The following ZBTB25 variants were observed in gnomAD, a reference collection of about 807,000 sequenced individuals.
ZBTB25 encodes zinc finger and BTB domain containing 25, also known as zinc finger and BTB domain-containing protein 25.
ZBTB25 carries 20 observed loss-of-function variants against 34.2 expected under a neutral mutation model. The observed-to-expected ratio is 0.58, with a 90% CI of 0.41 to 0.85. The LOEUF (loss-of-function observed/expected upper bound fraction) is 0.85, where lower values mean the gene tolerates loss of function less well. Ranked by LOEUF, ZBTB25 falls within the 40% of genes least tolerant of loss-of-function variation. ZBTB25 has a pLI of 0.00. For synonymous variants in ZBTB25, 175 were observed against 186.4 expected, an observed-to-expected ratio of 0.94 and a Z score of 0.50; for missense variants, 437 against 521.8, an observed-to-expected ratio of 0.84 and a Z score of 1.58.
At chr14:64,505,157 C>G (rs1041115713), upstream of ZBTB25, 1 of 337,222 alleles carries the variant, frequency 3.0e-6, no homozygotes, top group Admixed American at 4.9e-5. Flanking sequence ...GTGCGGCCTC[C>G]CTGAGTCGGA....
At chr14:64,449,363 CAT>C in exon 3 of ZBTB25, 1 of 1,507,712 alleles carries the variant, frequency 6.6e-7, no homozygotes, top group Non-Finnish European at 9.2e-7. Flanking sequence ...GGGTAATTCA[CAT>C]GAGGTTTAAT....
chr14:64,500,813 G>C (rs1364831307), intron 1 of ZBTB25, among the ~76,000 whole-genome samples: 2 of 152,184 alleles, frequency 1.3e-5, no homozygotes, highest in African/African-American at 4.8e-5. Flanking sequence ...CACTTTGGGA[G>C]GCCAAGGTGG....
chr14:64,499,383 AT>A (rs1390049365), intron 1 of ZBTB25: 1 of 152,168 alleles, frequency 6.6e-6, no homozygotes, highest in Non-Finnish European at 1.5e-5. Flanking sequence ...CCTGACCAAC[AT>A]GAAGAAACCC....
rs2078916946 is a variant in ZBTB25, at chr14:64,487,509, T to C, written c.722A>G (p.His241Arg). The C allele has an allele frequency of 1.2e-6, 2 of 1,613,872 alleles. No homozygotes were observed. Among genetic ancestry groups the C allele is most frequent in the Non-Finnish European group, 1.7e-6 (2 of 1,179,764 alleles). ...GGAATCAAAACGTTCCCCACAGTAA[T>C]GGCATAAGTGTATTTTGACACTGTT... ...TENSVKIHLC[H>R]YCGERFDSRS... The change falls in exon 3 of 3, where the codon CAT (histidine) becomes CGT (arginine). Residue 241 changes from histidine (H) to arginine (R), a missense_variant. Coordinates refer to ENST00000608382, the MANE Select transcript of ZBTB25 (RefSeq NM_006977.5).
intron 2 of ZBTB25, chr14:64,467,419 G>A (rs971056457): frequency 2.0e-5 from 3 of 152,120 alleles, no homozygotes; most frequent in African/African-American, 7.2e-5. Flanking sequence ...TGCAGATTAT[G>A]GTGGAAACAT....
In ZBTB25 at chr14:64,485,120, AACTT is replaced by A. The variant is rs1245868721; in HGVS notation, c.*1799_*1802del. 1.0e-5 allele frequency: 10 copies of A among 985,342 alleles called. No individual in the cohort carries two copies. The highest frequency in any genetic ancestry group is 1.2e-4 in the Admixed American group (2 of 16,260). 61.0% of individuals were successfully genotyped at this position (985,342 alleles called of 1,614,324 possible). A position where few individuals can be genotyped will look rare whatever the true frequency, so the allele number is the denominator to read the frequency against. On this transcript the variant is annotated 3_prime_UTR_variant, in exon 3 of 3. Coordinates refer to ENST00000608382, the MANE Select transcript of ZBTB25 (RefSeq NM_006977.5). ...CTTTCTTCATTCAATCCTCAAGAAA[AACTT>A]ACCACTTTGTAATTTACCTAAACTG...
At chr14:64,502,720 G>C in intron 1 of ZBTB25, 1 of 985,516 alleles carries the variant, frequency 1.0e-6, no homozygotes, top group South Asian at 4.7e-5. Context: ...ATGGTGGAGA[G>C]TGCAATCACC....
chr14:64,456,263 A>T (rs1351010426), intron 2 of ZBTB25, among the ~76,000 whole-genome samples: 1 of 152,160 alleles, frequency 6.6e-6, no homozygotes, highest in Non-Finnish European at 1.5e-5. Context: ...TTTTAACTTT[A>T]AGTTGGACCA....
In ZBTB25 at chr14:64,487,127, C is replaced by T. The variant is rs753596074; in HGVS notation, c.1104G>A (p.Met368Ile). ...FPRKSQLLEHMYTHKGKSYRY... is the reference protein window; with the variant it reads ...FPRKSQLLEHIYTHKGKSYRY... Reference sequence around the variant, plus strand: ...TGTAAGATTTACCTTTGTGTGTATACATGTGTTCCAACAATTGGCTCTTTC... The same window carrying T: ...TGTAAGATTTACCTTTGTGTGTATATATGTGTTCCAACAATTGGCTCTTTC... Residue 368 changes from methionine (M) to isoleucine (I), a missense_variant, in exon 3 of 3, where the codon ATG (methionine) becomes ATA (isoleucine). By Grantham distance (10) the Met-to-Ile change is conservative. Transcript: ENST00000608382. The T allele has an allele frequency of 1.2e-6, 2 of 1,614,198 alleles. No homozygotes were observed. The highest frequency in any genetic ancestry group is 1.7e-6 in the Non-Finnish European group (2 of 1,180,030).
rs933351567 is a variant in ZBTB25, at chr14:64,485,400, T to C, written c.*1523A>G. The C allele has an allele frequency of 2.5e-5, 25 of 985,464 alleles. No individual in the cohort carries two copies. In the African/African-American group the frequency reaches 4.4e-4, roughly 17 times the overall value. The allele number at this position is 985,464 out of a possible 1,614,324, so 61.0% of individuals were successfully genotyped here. Reference sequence around the variant, plus strand: ...GAGTCTGTTTTATTATCCTTGACTATGCGGGGTTTGAAATTTAAACATTTC... The same window carrying C: ...GAGTCTGTTTTATTATCCTTGACTACGCGGGGTTTGAAATTTAAACATTTC... On this transcript the variant is annotated 3_prime_UTR_variant, in exon 3 of 3. Coordinates refer to ENST00000608382, the MANE Select transcript of ZBTB25 (RefSeq NM_006977.5).
Position 64,480,826 on chromosome 14 carries a change from G to C in ZBTB25, c.*6097C>G, listed in dbSNP as rs1398052424. 2 of 152,146 alleles carry C rather than the reference G, an allele frequency of 1.3e-5. No homozygotes were observed. Among genetic ancestry groups the C allele is most frequent in the East Asian group, 1.9e-4 (1 of 5,158 alleles). 9.4% of individuals were successfully genotyped at this position (152,146 alleles called of 1,614,324 possible). A position where few individuals can be genotyped will look rare whatever the true frequency, so the allele number is the denominator to read the frequency against. ...CCAGCTAATTTTTTGTGTTTTACTA[G>C]AGACAGGGTTTCACCATGTTGTCCA... On this transcript the variant is annotated 3_prime_UTR_variant, in exon 3 of 3. Transcript: ENST00000608382.
intron 2 of ZBTB25, chr14:64,458,071 G>A: frequency 1.3e-6 from 1 of 745,462 alleles, no homozygotes; most frequent in Non-Finnish European, 2.5e-6. Flanking sequence ...TTTATTTCCT[G>A]TAGAGATGGG....
intron 2 of ZBTB25, chr14:64,461,926 G>A (rs1356827487): frequency 6.6e-6 from 1 of 152,204 alleles, no homozygotes; most frequent in African/African-American, 2.4e-5. Flanking sequence ...AATGTCCTGT[G>A]AAACTTCACC....
In ZBTB25 at chr14:64,480,372, G is replaced by T; in HGVS notation, c.*6551C>A. On this transcript the variant is annotated 3_prime_UTR_variant, in exon 3 of 3. Transcript: ENST00000608382. Reference sequence around the variant, plus strand: ...GAAGAAGCAAAGCAAGAAACTTCTGGGAAATGACGAAATACTACCTTTCTT... The same window carrying T: ...GAAGAAGCAAAGCAAGAAACTTCTGTGAAATGACGAAATACTACCTTTCTT... 2.5e-6 allele frequency: 1 copy of T among 394,592 alleles called. No homozygotes were observed. Among genetic ancestry groups the T allele is most frequent in the Non-Finnish European group, 4.9e-6 (1 of 204,222 alleles). The allele number at this position is 394,592 out of a possible 1,614,324, so 24.4% of individuals were successfully genotyped here.
chr14:64,458,799 C>T (rs1461221726), intron 2 of ZBTB25: 1 of 197,644 alleles, frequency 5.1e-6, no homozygotes, highest in Non-Finnish European at 1.1e-5. Context: ...TGAAAGGGCC[C>T]TGAGTACCGA....
At chr14:64,466,201 T>A (rs2078611529) in intron 2 of ZBTB25, among the ~76,000 whole-genome samples, 1 of 152,214 alleles carries the variant, frequency 6.6e-6, no homozygotes, top group African/African-American at 2.4e-5. Context: ...GACTTTAAGA[T>A]TTCCTGAGGC....
intron 1 of ZBTB25, among the ~76,000 whole-genome samples, chr14:64,499,858 G>T (rs945910707): frequency 2.2e-4 from 33 of 152,300 alleles, no homozygotes; most frequent in Admixed American, 1.7e-3. Flanking sequence ...GGTATGGAGG[G>T]GGTAGATGAA....
chr14:64,502,095 A>G (rs1485203803), intron 1 of ZBTB25, among the ~76,000 whole-genome samples: 2 of 152,226 alleles, frequency 1.3e-5, no homozygotes, highest in Non-Finnish European at 2.9e-5. Context: ...AGACAGTACC[A>G]TCTCCTTTTT....
Position 64,485,183 on chromosome 14 carries a change from T to C in ZBTB25, c.*1740A>G. On this transcript the variant is annotated 3_prime_UTR_variant, in exon 3 of 3. Transcript: ENST00000608382. ...GAGAAAACCTTTGTGTCCTTAGAAT[T>C]AGCTGGATTACTCTTTGAGCTCCCT... The C allele has an allele frequency of 1.0e-6, 1 of 985,444 alleles. No homozygotes were observed. The highest frequency in any genetic ancestry group is 1.2e-6 in the Non-Finnish European group (1 of 829,928). The allele number at this position is 985,444 out of a possible 1,614,324, so 61.0% of individuals were successfully genotyped here.
Sources: gnomAD v4.1 joint callset for allele counts (sites outside exome capture counted in the v4.1 genomes callset) on GRCh38, gnomAD v4.1.1 for gene constraint, MANE v1.5 for transcripts, NCBI Gene and HGNC (gene_info 2026-07-23, HGNC 2026-07-21) for gene names.